Variants in FRMD6 observed in about 807,000 individuals in gnomAD.
FRMD6 encodes FERM domain containing 6, also known as FERM domain-containing protein 6.
In FRMD6, 37 loss-of-function variants were observed where a neutral mutation model predicts 73.2. That is an observed-to-expected ratio of 0.51 (90% CI 0.39 to 0.66). The LOEUF is 0.66. Among genes scored for constraint, FRMD6 ranks in the 30% least tolerant of loss-of-function variants. The probability of loss-of-function intolerance (pLI) is 0.00; values close to 1 mark genes in which losing one functional copy is unlikely to be tolerated. For synonymous variants in FRMD6, 273 were observed against 282.2 expected, an observed-to-expected ratio of 0.97 and a Z score of 0.33; for missense variants, 714 against 780.5, an observed-to-expected ratio of 0.91 and a Z score of 1.02.
At chr14:51,510,433 T>C (rs1884232679) in intron 1 of FRMD6, among the ~76,000 whole-genome samples, 2 of 152,194 alleles carry the variant, frequency 1.3e-5, no homozygotes, top group African/African-American at 4.8e-5. Flanking sequence ...GTGATTTTTT[T>C]TTTCTTCAGG....
At chr14:51,670,758 G>T (rs1893947817) in intron 1 of FRMD6, among the ~76,000 whole-genome samples, 1 of 151,602 alleles carries the variant, frequency 6.6e-6, no homozygotes, top group African/African-American at 2.4e-5. Context: ...CGATTCTCCT[G>T]CCTCAGTCTC....
chr14:51,456,998 G>A, the FRMD6 span, among the ~76,000 whole-genome samples: 2 of 152,138 alleles, frequency 1.3e-5, no homozygotes. Context: ...GCAAGAGAGA[G>A]GAAAATGAGG....
At chr14:51,473,900 T>C in the FRMD6 span, among the ~76,000 whole-genome samples, 1 of 152,044 alleles carries the variant, frequency 6.6e-6, no homozygotes, top group African/African-American at 2.4e-5. Flanking sequence ...ATCCCAGCAT[T>C]CTCAAAGCTG....
the FRMD6 span, among the ~76,000 whole-genome samples, chr14:51,455,817 G>A: frequency 1.3e-5 from 2 of 152,204 alleles, no homozygotes; most frequent in African/African-American, 4.8e-5. Flanking sequence ...AAGGGAATTG[G>A]AACTCTCCAT....
chr14:51,621,995 G>A (rs997965686), intron 2 of FRMD6, among the ~76,000 whole-genome samples: 26 of 152,170 alleles, frequency 1.7e-4, no homozygotes, highest in African/African-American at 5.1e-4. Flanking sequence ...GGCATAACCC[G>A]AGACTGTTCT....
chr14:51,495,713 G>A (rs1329816256), intron 1 of FRMD6, among the ~76,000 whole-genome samples: 2 of 152,164 alleles, frequency 1.3e-5, no homozygotes, highest in African/African-American at 2.4e-5. Flanking sequence ...TCCAGTGAGG[G>A]TAAGAAGACG....
At chr14:51,677,288 A>C (rs963836370) in intron 1 of FRMD6, among the ~76,000 whole-genome samples, 1 of 152,136 alleles carries the variant, frequency 6.6e-6, no homozygotes, top group Non-Finnish European at 1.5e-5. Context: ...GGGAAGAAGT[A>C]TTTCAGGGGA....
At chr14:51,669,704 G>T (rs1390547332) in intron 1 of FRMD6, among the ~76,000 whole-genome samples, 1 of 152,064 alleles carries the variant, frequency 6.6e-6, no homozygotes, top group African/African-American at 2.4e-5. Context: ...CATTGTTCTT[G>T]AGTTGTAATA....
Position 51,610,966 on chromosome 14 carries a change from T to G in FRMD6, c.-147+40556T>G, listed in dbSNP as rs572456931. On this transcript the variant is annotated intron_variant, in intron 2 of 14. Coordinates refer to the FRMD6 transcript ENST00000356218. ...GAGTTTCCAAATCCCCTGGCTTGCT[T>G]AAATACAGGCATAAGAGAAATTGGA... 6.6e-5 allele frequency among the ~76,000 whole-genome samples: 10 copies of G among 152,298 alleles called. No homozygotes were observed. In the South Asian group the frequency reaches 2.1e-3, roughly 32 times the overall value.
chr14:51,502,971 G>A (rs1474989656), intron 1 of FRMD6, among the ~76,000 whole-genome samples: 1 of 152,122 alleles, frequency 6.6e-6, no homozygotes, highest in Non-Finnish European at 1.5e-5. Context: ...GTGAATGGGA[G>A]TTCATTCATG....
the FRMD6 span, among the ~76,000 whole-genome samples, chr14:51,444,641 A>G: frequency 2.0e-5 from 3 of 152,188 alleles, no homozygotes; most frequent in African/African-American, 7.2e-5. Flanking sequence ...TCTGCCTTGA[A>G]TGGTGATGGC....
chr14:51,484,404 CT>C (rs1882724594), upstream of FRMD6, among the ~76,000 whole-genome samples: 1 of 152,188 alleles, frequency 6.6e-6, no homozygotes, highest in South Asian at 2.1e-4. Flanking sequence ...AGAATAGCCA[CT>C]CAACAGTCAC....
the FRMD6 span, among the ~76,000 whole-genome samples, chr14:51,452,656 A>G: frequency 5.3e-5 from 8 of 152,222 alleles, no homozygotes. Context: ...AAGGAGTAGC[A>G]TAAAAAGAGA....
upstream of FRMD6, among the ~76,000 whole-genome samples, chr14:51,485,266 A>T (rs967111455): frequency 6.6e-6 from 1 of 151,686 alleles, no homozygotes; most frequent in South Asian, 2.1e-4. Flanking sequence ...TGTCAAGTCA[A>T]CTCTGCTGGT....
intron 6 of FRMD6, among the ~76,000 whole-genome samples, chr14:51,705,359 C>T (rs1555338712): frequency 6.6e-6 from 1 of 152,128 alleles, no homozygotes; most frequent in Non-Finnish European, 1.5e-5. Context: ...GTCCTCCACT[C>T]TCGGGGAGGA....
At chr14:51,462,594 T>C in the FRMD6 span, among the ~76,000 whole-genome samples, 23 of 152,326 alleles carry the variant, frequency 1.5e-4, no homozygotes, top group East Asian at 1.5e-3. Flanking sequence ...GGGTTCCTGC[T>C]GGATATTAGT....
chr14:51,551,449 A>G (rs937840555), intron 1 of FRMD6, among the ~76,000 whole-genome samples: 4 of 152,190 alleles, frequency 2.6e-5, no homozygotes, highest in Admixed American at 2.0e-4. Context: ...TAATTTTTAT[A>G]TATGACCCAG....
At position 51,722,058 on chromosome 14, in the gene FRMD6, G is replaced by T; in HGVS notation, c.1470G>T (p.Ser490=). The T allele has an allele frequency of 6.2e-7, 1 of 1,614,042 alleles. No homozygotes were observed. Among genetic ancestry groups the T allele is most frequent in the Non-Finnish European group, 8.5e-7 (1 of 1,179,988 alleles). The change falls in exon 12 of 14, where the codon TCG becomes TCT. Residue 490 remains serine, a synonymous_variant. Coordinates refer to ENST00000344768, the MANE Select transcript of FRMD6 (RefSeq NM_001267046.2). Reference sequence around the variant, plus strand: ...ACATCACAGAGGACATGCTCATGTCGCGGAAGCTGAATGGACACTCTGGTG... The same window carrying T: ...ACATCACAGAGGACATGCTCATGTCTCGGAAGCTGAATGGACACTCTGGTG... ...CIYITEDMLM[S]RKLNGHSGLI...
the FRMD6 span, among the ~76,000 whole-genome samples, chr14:51,474,403 T>A: frequency 6.6e-6 from 1 of 152,164 alleles, no homozygotes; most frequent in Non-Finnish European, 1.5e-5. Flanking sequence ...GAATTTACAA[T>A]GGCAGTTTGG....
Sources: allele counts gnomAD v4.1 joint callset (sites outside exome capture counted in the v4.1 genomes callset), GRCh38; gene constraint gnomAD v4.1.1; transcripts MANE v1.5; gene names NCBI Gene and HGNC (gene_info 2026-07-23, HGNC 2026-07-21).